Variants in SETDB2 observed in about 807,000 individuals in gnomAD.
SETDB2 encodes SET domain bifurcated histone lysine methyltransferase 2.
A neutral mutation model predicts 82.5 loss-of-function variants in SETDB2; 56 were observed. That is an observed-to-expected ratio of 0.68 (90% confidence interval 0.55 to 0.85). The LOEUF (loss-of-function observed/expected upper bound fraction) is 0.85. Among genes scored for constraint, SETDB2 ranks in the 40% least tolerant of loss-of-function variants. SETDB2 has a pLI of 0.00. For missense variants in SETDB2, 677 were observed against 816.4 expected (o/e 0.83, Z 2.08); for synonymous variants, 272 against 284.9 (o/e 0.95, Z 0.46).
At chr13:49,491,622 C>A in intron 13 of SETDB2, 110 bp from the exon 14 acceptor site, 1 of 735,010 alleles carries the variant, frequency 1.4e-6, no homozygotes, top group Non-Finnish European at 2.4e-6. Context: ...GGTGAGAGAA[C>A]AGATCATATT....
chr13:49,447,963 C>CTAGT (rs1335581672), intron 1 of SETDB2, among the ~76,000 whole-genome samples: 2 of 151,830 alleles, frequency 1.3e-5, no homozygotes, highest in Admixed American at 1.3e-4. Flanking sequence ...GTTTATGGAC[C>CTAGT]TAGTGTACTA....
chr13:49,445,317 G>A (rs946713237), intron 1 of SETDB2, among the ~76,000 whole-genome samples: 4 of 152,178 alleles, frequency 2.6e-5, no homozygotes, highest in African/African-American at 9.7e-5. Flanking sequence ...CAATTAAAAC[G>A]TAAGGAGCCG....
chr13:49,445,376 G>A (rs1428325954), intron 1 of SETDB2, among the ~76,000 whole-genome samples: 1 of 152,074 alleles, frequency 6.6e-6, no homozygotes, highest in Non-Finnish European at 1.5e-5. Flanking sequence ...AAACGAAAAG[G>A]AACCATACAT....
intron 4 of SETDB2, among the ~76,000 whole-genome samples, chr13:49,462,370 T>C (rs971570883): frequency 2.0e-5 from 3 of 152,180 alleles, no homozygotes; most frequent in African/African-American, 7.2e-5. Flanking sequence ...AAAGACACTC[T>C]TATCACTACT....
In SETDB2 at chr13:49,460,069, C is replaced by T. The variant is rs1013741060; in HGVS notation, c.17-38C>T. The T allele has an allele frequency of 3.2e-6, 5 of 1,578,486 alleles. No individual in the cohort carries two copies. In the East Asian group the frequency reaches 6.8e-5, roughly 22 times the overall value. On this transcript the variant is annotated intron_variant, in intron 2 of 13. Transcript: ENST00000611815. ...TTCTTAGATAAATTATAGTATTTTT[C>T]TATTAGCTCTTAGGCTAGTCACTTA...
chr13:49,456,359 C>T (rs1399672227), intron 2 of SETDB2, among the ~76,000 whole-genome samples: 1 of 152,138 alleles, frequency 6.6e-6, no homozygotes, highest in African/African-American at 2.4e-5. Context: ...GATTGGTAGA[C>T]ATAGTATAAC....
At position 49,476,233 on chromosome 13, in the gene SETDB2, C is replaced by T. The variant is rs1307177602; in HGVS notation, c.306-243C>T. ...GACAAGAGTTCAAGGCTGCTCTGTG[C>T]TGTGATCACACCTGTGAATGGCCAC... On this transcript the variant is annotated intron_variant, in intron 5 of 13. Coordinates refer to ENST00000611815, the MANE Select transcript of SETDB2 (RefSeq NM_001160308.3). 3.7e-4 allele frequency among the ~76,000 whole-genome samples: 57 copies of T among 152,142 alleles called. 1 individual carries two copies. Among genetic ancestry groups the T allele is most frequent in the Non-Finnish European group, 1.9e-4 (13 of 68,020 alleles).
At chr13:49,490,673 A>G (rs1284598731) in intron 12 of SETDB2, 149 bp from the exon 13 acceptor site, 1 of 532,776 alleles carries the variant, frequency 1.9e-6, no homozygotes, top group Non-Finnish European at 3.2e-6. Flanking sequence ...GGTTCCCACT[A>G]TTAACAGGAG....
chr13:49,485,813 A>G (rs1299636633), intron 11 of SETDB2, 90 bp downstream of exon 11: 4 of 1,062,650 alleles, frequency 3.8e-6, no homozygotes, highest in African/African-American at 3.1e-5. Context: ...CTTAGATTCC[A>G]TAATAAACAT....
At chr13:49,448,438 T>C (rs1442102030) in intron 1 of SETDB2, among the ~76,000 whole-genome samples, 5 of 152,220 alleles carry the variant, frequency 3.3e-5, no homozygotes, top group Admixed American at 6.5e-5. Context: ...AAATATCTCT[T>C]GGCATGCTGC....
chr13:49,482,659 G>A, intron 8 of SETDB2, 78 bp from the exon 9 acceptor site: 1 of 899,062 alleles, frequency 1.1e-6, no homozygotes, highest in South Asian at 1.8e-5. Flanking sequence ...TTTAGTCATG[G>A]AGTAGAAATA....
rs530235148 is a variant in SETDB2 at position 49,489,907 on chromosome 13, GCC to G, written c.1918-905_1918-904del. Among the ~76,000 whole-genome samples the G allele has an allele frequency of 8.2e-4, 25 of 30,614 alleles. 1 individual carries two copies. The highest frequency in any genetic ancestry group is 1.6e-3 in the African/African-American group (21 of 12,956). The allele number at this position is 30,614 out of a possible 152,430, so 20.1% of individuals were successfully genotyped here. A position where few individuals can be genotyped will look rare whatever the true frequency, so the allele number is the denominator to read the frequency against. On this transcript the variant is annotated intron_variant, in intron 12 of 13. Coordinates refer to ENST00000611815, the MANE Select transcript of SETDB2 (RefSeq NM_001160308.3). ...CACCGCACCTGGCCTTATTTCTCCC[GCC>G]CCCCCCCCCTTTTTTTTTTACATAA... is the stretch of plus-strand genomic sequence containing the variant.
At chr13:49,489,159 A>G (rs375582609) in intron 12 of SETDB2, 1 of 153,018 alleles carries the variant, frequency 6.5e-6, no homozygotes. Context: ...CTTTGTCACC[A>G]GTGGCACAAT....
chr13:49,480,389 CT>C, intron 7 of SETDB2, 54 bp downstream of exon 7: 1 of 1,102,792 alleles, frequency 9.1e-7, no homozygotes, highest in South Asian at 1.7e-5. Flanking sequence ...AAGGTGGGTA[CT>C]TTTTATTGTG....
At chr13:49,478,974 C>T (rs1958425165) in intron 6 of SETDB2, among the ~76,000 whole-genome samples, 1 of 151,962 alleles carries the variant, frequency 6.6e-6, no homozygotes. Context: ...ATACCTAATC[C>T]AGTAGAAAAG....
Position 49,492,090 on chromosome 13 carries a change from A to G in SETDB2, c.*241A>G, listed in dbSNP as rs532146667. 30 of 412,136 alleles carry G rather than the reference A, an allele frequency of 7.3e-5. 1 individual carries two copies. The highest frequency in any genetic ancestry group is 5.7e-4 in the African/African-American group (28 of 49,454). 25.5% of individuals were successfully genotyped at this position (412,136 alleles called of 1,614,324 possible). A position where few individuals can be genotyped will look rare whatever the true frequency, so the allele number is the denominator to read the frequency against. Reference sequence around the variant, plus strand: ...CTTTACATGAGTAGGATGGAAGTGTATATTTTATATGAAATACCACTGTAC... The same window carrying G: ...CTTTACATGAGTAGGATGGAAGTGTGTATTTTATATGAAATACCACTGTAC... On this transcript the variant is annotated 3_prime_UTR_variant, in exon 14 of 14. Coordinates refer to ENST00000611815, the MANE Select transcript of SETDB2 (RefSeq NM_001160308.3).
At chr13:49,488,139 G>A (rs1958633401) in intron 11 of SETDB2, 151 bp from the exon 12 acceptor site, 1 of 1,149,420 alleles carries the variant, frequency 8.7e-7, no homozygotes, top group African/African-American at 1.6e-5. Flanking sequence ...CTCAGAGAAA[G>A]TTTCCTTTAT....
chr13:49,469,133 A>G (rs941358112), intron 5 of SETDB2, among the ~76,000 whole-genome samples: 1 of 152,136 alleles, frequency 6.6e-6, no homozygotes, highest in African/African-American at 2.4e-5. Context: ...ATTTTGGAAT[A>G]TTTTTTGTCC....
At chr13:49,453,753 AC>A (rs1314228604) in intron 2 of SETDB2, among the ~76,000 whole-genome samples, 1 of 152,082 alleles carries the variant, frequency 6.6e-6, no homozygotes, top group Non-Finnish European at 1.5e-5. Context: ...TTCTTGAATA[AC>A]CTGTCAATAT....
Sources: allele counts gnomAD v4.1 joint callset (sites outside exome capture counted in the v4.1 genomes callset), GRCh38; gene constraint gnomAD v4.1.1; transcripts MANE v1.5; gene names NCBI Gene and HGNC (gene_info 2026-07-23, HGNC 2026-07-21).